CDHR1: variants seen among roughly 807,000 people sequenced by gnomAD.
The protein encoded by CDHR1 is cadherin-related family member 1.
CDHR1 carries 61 observed loss-of-function variants against 72.1 expected under a neutral mutation model. The observed-to-expected ratio is 0.85, with a 90% CI of 0.69 to 1.05. CDHR1 has a LOEUF of 1.05. Ranked by LOEUF, CDHR1 falls within the 50% of genes least tolerant of loss-of-function variation. CDHR1 has a pLI of 0.00. For synonymous variants in CDHR1, 470 were observed against 448.1 expected (o/e 1.05, Z -0.62); for missense variants, 1,186 against 1,115.7 (o/e 1.06, Z -0.90).
chr10:84,204,494 C>T, intron 8 of CDHR1, 33 bp from the exon 9 acceptor site: 1 of 1,486,942 alleles, frequency 6.7e-7, no homozygotes, highest in Non-Finnish European at 9.4e-7. Flanking sequence ...CCCATATTGC[C>T]CATCAGGCAG....
chr10:84,214,642 A>T lies in CDHR1; in HGVS notation c.*21A>T. On this transcript the variant is annotated 3_prime_UTR_variant, in exon 17 of 17. Coordinates refer to ENST00000623527, the MANE Select transcript of CDHR1 (RefSeq NM_033100.4). ...TCTAGTGTATGCCCTATGACCCCCC[A>T]TCTTTCCTCCGCCCCTGACCCCCAC... 6.3e-7 allele frequency: 1 copy of T among 1,598,428 alleles called. No homozygotes were observed. Among genetic ancestry groups the T allele is most frequent in the East Asian group, 2.2e-5 (1 of 44,808 alleles).
Position 84,218,164 on chromosome 10 carries a change from G to A in CDHR1, c.*3543G>A. On this transcript the variant is annotated 3_prime_UTR_variant, in exon 17 of 17. Coordinates refer to ENST00000623527, the MANE Select transcript of CDHR1 (RefSeq NM_033100.4). ...GAGAATGGAGAAGATGCCACATGAG[G>A]AATGAGGCAGGAGACTGGCATGTGC... The A allele has an allele frequency of 1.0e-6, 1 of 985,450 alleles. No individual in the cohort carries two copies. The highest frequency in any genetic ancestry group is 1.2e-6 in the Non-Finnish European group (1 of 829,934). The allele number at this position is 985,450 out of a possible 1,614,324, so 61.0% of individuals were successfully genotyped here.
Position 84,211,120 on chromosome 10 carries a change from G to T in CDHR1, c.1440G>T (p.Arg480Ser). 6.2e-7 allele frequency: 1 copy of T among 1,614,242 alleles called. No individual in the cohort carries two copies. Among genetic ancestry groups the T allele is most frequent in the Non-Finnish European group, 8.5e-7 (1 of 1,180,048 alleles). Residue 480 changes from arginine (R) to serine (S), a missense_variant, in exon 13 of 17, where the codon AGG (arginine) becomes AGT (serine). By Grantham distance (110) the Arg-to-Ser change is moderately radical. Coordinates refer to ENST00000623527, the MANE Select transcript of CDHR1 (RefSeq NM_033100.4). ...PKFDSLYYVARIPENAPGGSS... is the reference protein window; with the variant it reads ...PKFDSLYYVASIPENAPGGSS... ...TCGACTCCCTCTACTACGTTGCCAGGATTCCTGAGAACGCCCCAGGGGGCT... is the reference window on the plus strand; with the variant it reads ...TCGACTCCCTCTACTACGTTGCCAGTATTCCTGAGAACGCCCCAGGGGGCT...
rs1321011071 is a variant in CDHR1, at chr10:84,199,032, G to A, written c.349G>A (p.Val117Met). ...TCTTGACCCCTCTGCCCCTTCTCAG[G>A]TGGCCGAAAAAGTCGTGATCCTGGT... ...IISISDGLNL[V>M]AEKVVILVTD... is the part of the protein sequence containing the mutation. Residue 117 changes from valine to methionine, a missense_variant and splice_region_variant, in exon 5 of 17, where the codon GTG (valine) becomes ATG (methionine). Val to Met is a conservative substitution (Grantham distance 21). Transcript: ENST00000623527. 3.2e-6 allele frequency: 5 copies of A among 1,551,656 alleles called. No homozygotes were observed. The highest frequency in any genetic ancestry group is 4.4e-6 in the Non-Finnish European group (5 of 1,146,966).
In CDHR1 at chr10:84,217,701, C is replaced by A. The variant is rs537218017; in HGVS notation, c.*3080C>A. 2.3e-4 allele frequency: 222 copies of A among 985,412 alleles called. No homozygotes were observed. Among genetic ancestry groups the A allele is most frequent in the Non-Finnish European group, 2.6e-4 (216 of 830,036 alleles). The allele number at this position is 985,412 out of a possible 1,614,324, so 61.0% of individuals were successfully genotyped here. On this transcript the variant is annotated 3_prime_UTR_variant, in exon 17 of 17. Transcript: ENST00000623527. Reference sequence around the variant, plus strand: ...GAAAGAGAGGACCCCCTCCATGCATCCTCACCCCCCAGGATGTTTCCACCC... The same window carrying A: ...GAAAGAGAGGACCCCCTCCATGCATACTCACCCCCCAGGATGTTTCCACCC...
intron 6 of CDHR1, 127 bp from the exon 7 acceptor site, chr10:84,201,675 TCTGAA>T (rs1300583663): frequency 1.4e-6 from 1 of 727,232 alleles, no homozygotes; most frequent in Non-Finnish European, 2.4e-6. Context: ...AGCTGAGTGC[TCTGAA>T]GTAGGAACCT....
chr10:84,201,886 G>C lies in CDHR1; in HGVS notation c.605G>C (p.Arg202Thr). 6.2e-7 allele frequency: 1 copy of C among 1,608,076 alleles called. No homozygotes were observed. Among genetic ancestry groups the C allele is most frequent in the Non-Finnish European group, 8.5e-7 (1 of 1,179,968 alleles). The change falls in exon 7 of 17, where the codon AGG (arginine) becomes ACG (threonine). Residue 202 changes from arginine to threonine, a missense_variant. Arg to Thr is a moderately conservative substitution (Grantham distance 71, BLOSUM62 -1). Coordinates refer to ENST00000623527, the MANE Select transcript of CDHR1 (RefSeq NM_033100.4). The stretch of plus-strand genomic sequence containing the variant: ...GCTGGGGCCACTCTGGACTACGAGA[G>C]GTCCCGGACCCACTACATCACCGTG... The part of the protein sequence containing the change: ...LQAGATLDYE[R>T]SRTHYITVVA...
At chr10:84,198,263 C>T (rs1405238911) in intron 4 of CDHR1, among the ~76,000 whole-genome samples, 4 of 152,250 alleles carry the variant, frequency 2.6e-5, no homozygotes. Flanking sequence ...CCGACCCCAA[C>T]TGCCTCTGAA....
chr10:84,219,269 C>T (rs1244562000), downstream of CDHR1: 4 of 1,550,148 alleles, frequency 2.6e-6, no homozygotes, highest in Non-Finnish European at 3.5e-6. Context: ...GCAGCCCAAG[C>T]ATCTTAAAAA....
At chr10:84,208,679 A>T (rs773046609) in intron 11 of CDHR1, 50 bp from the exon 12 acceptor site, 1 of 1,572,486 alleles carries the variant, frequency 6.4e-7, no homozygotes, top group Non-Finnish European at 8.8e-7. Flanking sequence ...TATGATTATG[A>T]ATTTCTATCA....
Position 84,218,092 on chromosome 10 carries a change from C to T in CDHR1, c.*3471C>T. 1 of 985,454 alleles carries T rather than the reference C, an allele frequency of 1.0e-6. No individual in the cohort carries two copies. The highest frequency in any genetic ancestry group is 1.2e-6 in the Non-Finnish European group (1 of 829,942). 61.0% of individuals were successfully genotyped at this position (985,454 alleles called of 1,614,324 possible). On this transcript the variant is annotated 3_prime_UTR_variant, in exon 17 of 17. Transcript: ENST00000623527. ...GTTGGCATCTGTTGACAGGCAGTGGCACATCCTGACAGTCTTCAAGGCCTT... is the reference window on the plus strand; with the variant it reads ...GTTGGCATCTGTTGACAGGCAGTGGTACATCCTGACAGTCTTCAAGGCCTT...
chr10:84,208,133 T>G, intron 10 of CDHR1, 41 bp from the exon 11 acceptor site: 4 of 1,565,094 alleles, frequency 2.6e-6, no homozygotes, highest in Non-Finnish European at 3.5e-6. Flanking sequence ...ATATGAAGGG[T>G]CCACCTGCCA....
chr10:84,211,193 G>T (rs780890976), intron 13 of CDHR1, 28 bp downstream of exon 13: 1 of 1,613,210 alleles, frequency 6.2e-7, no homozygotes, highest in Non-Finnish European at 8.5e-7. Flanking sequence ...CCAGGGACTG[G>T]GTGGGATAGG....
Position 84,200,689 on chromosome 10 carries a change from T to G in CDHR1, c.525+2T>G, listed in dbSNP as rs781120640. On this transcript the variant is annotated splice_donor_variant, in intron 6 of 16. Transcript: ENST00000623527. LOFTEE classifies it high-confidence loss of function. Reference sequence around the variant, plus strand: ...GGGAGTGTCACCTACTTCCTGCAGGTAAGGCAGGACACACAGGACCTAACC... The same window carrying G: ...GGGAGTGTCACCTACTTCCTGCAGGGAAGGCAGGACACACAGGACCTAACC... The G allele has an allele frequency of 6.2e-7, 1 of 1,602,442 alleles. No individual in the cohort carries two copies. Among genetic ancestry groups the G allele is most frequent in the African/African-American group, 1.3e-5 (1 of 74,738 alleles).
Position 84,217,413 on chromosome 10 carries a change from A to C in CDHR1, c.*2792A>C, listed in dbSNP as rs1211650686. The stretch of plus-strand genomic sequence containing the variant: ...TCCTGCGGCTGAGCTCAGATCTTCC[A>C]ATCACGTGAAATAACAAAGTCCTTT... On this transcript the variant is annotated 3_prime_UTR_variant, in exon 17 of 17. Transcript: ENST00000623527. 1 of 985,460 alleles carries C rather than the reference A, an allele frequency of 1.0e-6. No individual in the cohort carries two copies. Among genetic ancestry groups the C allele is most frequent in the East Asian group, 1.1e-4 (1 of 8,814 alleles). 61.0% of individuals were successfully genotyped at this position (985,460 alleles called of 1,614,324 possible). A position where few individuals can be genotyped will look rare whatever the true frequency, so the allele number is the denominator to read the frequency against.
chr10:84,214,902 C>T lies in CDHR1; in HGVS notation c.*281C>T. 1 of 1,384,050 alleles carries T rather than the reference C, an allele frequency of 7.2e-7. No homozygotes were observed. The highest frequency in any genetic ancestry group is 1.5e-5 in the South Asian group (1 of 65,498). 85.7% of individuals were successfully genotyped at this position (1,384,050 alleles called of 1,614,324 possible). Reference sequence around the variant, plus strand: ...ATCCTTGGCACTACTACAATGCCCTCCATTCTTCAGGGCTGAGAATTGACG... The same window carrying T: ...ATCCTTGGCACTACTACAATGCCCTTCATTCTTCAGGGCTGAGAATTGACG... On this transcript the variant is annotated 3_prime_UTR_variant, in exon 17 of 17. Coordinates refer to ENST00000623527, the MANE Select transcript of CDHR1 (RefSeq NM_033100.4).
chr10:84,208,800 C>A lies in CDHR1; in HGVS notation c.1239C>A (p.Val413=). ...TCTTCCGAGTGGTTCCACAGACAGT[C>A]CTGAATGAAGCCCAAGTCACAATCA... ...RGIFRVVPQT[V]LNEAQVTIIV... is the part of the protein sequence containing the mutation. Residue 413 remains valine, a synonymous_variant, in exon 12 of 17, where the codon GTC becomes GTA. Coordinates refer to ENST00000623527, the MANE Select transcript of CDHR1 (RefSeq NM_033100.4). 1 of 1,614,202 alleles carries A rather than the reference C, an allele frequency of 6.2e-7. No individual in the cohort carries two copies. The highest frequency in any genetic ancestry group is 8.5e-7 in the Non-Finnish European group (1 of 1,180,020).
At chr10:84,204,826 G>A (rs1016932100) in intron 9 of CDHR1, among the ~76,000 whole-genome samples, 1 of 152,128 alleles carries the variant, frequency 6.6e-6, no homozygotes. Context: ...GGGCAGGGGC[G>A]CTGAGAGCAA....
At position 84,212,374 on chromosome 10, in the gene CDHR1, G is replaced by A; in HGVS notation, c.1749G>A (p.Lys583=). 1 of 1,614,218 alleles carries A rather than the reference G, an allele frequency of 6.2e-7. No homozygotes were observed. The highest frequency in any genetic ancestry group is 8.5e-7 in the Non-Finnish European group (1 of 1,180,040). Reference sequence around the variant, plus strand: ...AGTTTGGAAAGAGCGTTCAGAAGAAGACGATGGTGCTAGGGACCCCAGTGA... The same window carrying A: ...AGTTTGGAAAGAGCGTTCAGAAGAAAACGATGGTGCTAGGGACCCCAGTGA... ...PPQFGKSVQK[K]TMVLGTPVKI... Residue 583 remains lysine (K), a synonymous_variant, in exon 15 of 17, where the codon AAG becomes AAA. Transcript: ENST00000623527.
Sources: gnomAD v4.1 joint callset for allele counts (sites outside exome capture counted in the v4.1 genomes callset) on GRCh38, gnomAD v4.1.1 for gene constraint, MANE v1.5 for transcripts, NCBI Gene and HGNC (gene_info 2026-07-23, HGNC 2026-07-21) for gene names.